The following UXS1 variants were observed in gnomAD, a reference collection of about 807,000 sequenced individuals.
UXS1 encodes UDP-glucuronate decarboxylase 1.
UXS1 carries 33 observed loss-of-function variants against 62.6 expected under a neutral mutation model. That is an observed-to-expected ratio of 0.53 (90% CI 0.40 to 0.70). UXS1 has a LOEUF of 0.70. Ranked by LOEUF, UXS1 falls within the 30% of genes least tolerant of loss-of-function variation. The pLI, the probability that UXS1 is intolerant of heterozygous loss-of-function variation, is 0.00. For synonymous variants in UXS1, 213 were observed against 206.8 expected (o/e 1.03, Z -0.26); for missense variants, 434 against 556.3 (o/e 0.78, Z 2.21).
At chr2:106,125,809 C>G in intron 7 of UXS1, 130 bp from the exon 8 acceptor site, 1 of 677,592 alleles carries the variant, frequency 1.5e-6, no homozygotes, top group Non-Finnish European at 2.2e-6. Flanking sequence ...ACCCTTACTG[C>G]GTCTGCTTTG....
At position 106,096,980 on chromosome 2, in the gene UXS1, T is replaced by G. The variant is rs964388159; in HGVS notation, c.1043-159A>C. ...AGAAGCCCCGGAGCTCCCGAGGGAC[T>G]GTTCTGCGTGGAAGTCCAGGGAGTG... On this transcript the variant is annotated intron_variant, in intron 13 of 14. Coordinates refer to ENST00000283148, the MANE Select transcript of UXS1 (RefSeq NM_001253875.2). 1.0e-5 allele frequency: 8 copies of G among 769,150 alleles called. No homozygotes were observed. In the Admixed American group the frequency reaches 1.6e-4, roughly 15 times the overall value. 47.6% of individuals were successfully genotyped at this position (769,150 alleles called of 1,614,324 possible).
chr2:106,187,828 G>A (rs865965441), intron 1 of UXS1, among the ~76,000 whole-genome samples: 1 of 148,606 alleles, frequency 6.7e-6, no homozygotes, highest in African/African-American at 2.5e-5. Context: ...TGCAATTTCC[G>A]CCTCCGGGTT....
At chr2:106,162,053 T>C (rs1682931453) in intron 4 of UXS1, among the ~76,000 whole-genome samples, 1 of 152,170 alleles carries the variant, frequency 6.6e-6, no homozygotes, top group African/African-American at 2.4e-5. Flanking sequence ...CGGAGTTCCA[T>C]CAATTTCCAC....
intron 8 of UXS1, among the ~76,000 whole-genome samples, chr2:106,123,668 T>C (rs1679706847): frequency 6.6e-6 from 1 of 152,318 alleles, no homozygotes. Flanking sequence ...CCTGTTTCTC[T>C]AGCGTATAAA....
At position 106,096,731 on chromosome 2, in the gene UXS1, C is replaced by T. The variant is rs1274058484; in HGVS notation, c.1133G>A (p.Gly378Glu). The change falls in exon 14 of 15, where the codon GGG (glycine) becomes GAG (glutamate). Residue 378 changes from glycine to glutamate, a missense_variant. Transcript: ENST00000283148. ...CCCTGCACTTACCACGGGCTCCCACCCCAGCATCAGCTTTGCTTTTTTGAT... is the reference window on the plus strand; with the variant it reads ...CCCTGCACTTACCACGGGCTCCCACTCCAGCATCAGCTTTGCTTTTTTGAT... Reference protein sequence around the residue: ...PDIKKAKLMLGWEPVVPLEEG... With the variant: ...PDIKKAKLMLEWEPVVPLEEG... The T allele has an allele frequency of 2.5e-6, 4 of 1,575,302 alleles. No individual in the cohort carries two copies. The highest frequency in any genetic ancestry group is 3.5e-6 in the Non-Finnish European group (4 of 1,158,834).
intron 1 of UXS1, among the ~76,000 whole-genome samples, chr2:106,168,798 C>T (rs1458965326): frequency 1.3e-5 from 2 of 152,016 alleles, no homozygotes; most frequent in South Asian, 2.1e-4. Context: ...AATATGACCA[C>T]GGAACTACAC....
intron 1 of UXS1, among the ~76,000 whole-genome samples, chr2:106,170,054 C>A (rs1277323723): frequency 2.0e-5 from 3 of 152,164 alleles, no homozygotes; most frequent in Non-Finnish European, 4.4e-5. Context: ...CCCTCTCCTC[C>A]CCAGCTGCAC....
At chr2:106,177,478 G>A (rs1416934072) in intron 1 of UXS1, among the ~76,000 whole-genome samples, 1 of 152,162 alleles carries the variant, frequency 6.6e-6, no homozygotes, top group Non-Finnish European at 1.5e-5. Flanking sequence ...TTATAGGCGT[G>A]AGCCACCAAG....
At chr2:106,138,119 G>C (rs924469712) in intron 6 of UXS1, 15 of 958,922 alleles carry the variant, frequency 1.6e-5, no homozygotes, top group Non-Finnish European at 1.9e-5. Flanking sequence ...AGTGTGCCTT[G>C]AGAGTACAGG....
At chr2:106,122,378 G>C (rs909388047) in intron 9 of UXS1, among the ~76,000 whole-genome samples, 3 of 152,152 alleles carry the variant, frequency 2.0e-5, no homozygotes, top group African/African-American at 4.8e-5. Context: ...CTGTGTCAGA[G>C]ATAAGAACTG....
intron 5 of UXS1, 144 bp from the exon 6 acceptor site, chr2:106,145,514 T>A: frequency 2.0e-6 from 2 of 998,446 alleles, no homozygotes; most frequent in Non-Finnish European, 2.8e-6. Flanking sequence ...GCAAAGGTTT[T>A]AAGGTAGCAT....
chr2:106,145,062 A>T, intron 6 of UXS1, 128 bp downstream of exon 6: 2 of 1,045,068 alleles, frequency 1.9e-6, no homozygotes, highest in South Asian at 3.3e-5. Flanking sequence ...ATATTGAGAC[A>T]TTTCAAAAAT....
chr2:106,169,359 C>T (rs1244269353), intron 1 of UXS1, among the ~76,000 whole-genome samples: 3 of 152,168 alleles, frequency 2.0e-5, no homozygotes, highest in Non-Finnish European at 2.9e-5. Context: ...TCGTTATTTG[C>T]TTTTTCAGTT....
chr2:106,124,707 A>G (rs1679785895), intron 8 of UXS1, among the ~76,000 whole-genome samples: 1 of 152,118 alleles, frequency 6.6e-6, no homozygotes, highest in Non-Finnish European at 1.5e-5. Context: ...ACCATACCCC[A>G]TAGGTAGGGA....
chr2:106,158,862 G>T (rs572928369), intron 4 of UXS1, among the ~76,000 whole-genome samples: 2 of 152,214 alleles, frequency 1.3e-5, no homozygotes, highest in Non-Finnish European at 2.9e-5. Context: ...TAAGGAAACG[G>T]TATTTGAGGT....
chr2:106,169,034 C>G (rs575498193), intron 1 of UXS1, among the ~76,000 whole-genome samples: 1 of 152,300 alleles, frequency 6.6e-6, no homozygotes, highest in East Asian at 1.9e-4. Context: ...TTAACCCTTA[C>G]TAAACTCTAT....
chr2:106,173,161 AG>A (rs1683669215), intron 1 of UXS1, among the ~76,000 whole-genome samples: 1 of 152,206 alleles, frequency 6.6e-6, no homozygotes, highest in Non-Finnish European at 1.5e-5. Flanking sequence ...GCTGTTATCT[AG>A]GGTACTGAGA....
intron 1 of UXS1, among the ~76,000 whole-genome samples, chr2:106,189,114 G>C (rs1252238151): frequency 6.6e-6 from 1 of 152,138 alleles, no homozygotes; most frequent in Non-Finnish European, 1.5e-5. Context: ...AGTAGTCCCA[G>C]AAAGAGATGA....
At chr2:106,122,919 G>A (rs1679634868) in intron 9 of UXS1, 51 bp downstream of exon 9, 4 of 1,604,124 alleles carry the variant, frequency 2.5e-6, no homozygotes, top group Non-Finnish European at 3.4e-6. Flanking sequence ...TACATCTGAG[G>A]TCAGGGTGCT....
Sources: allele counts gnomAD v4.1 joint callset (sites outside exome capture counted in the v4.1 genomes callset), GRCh38; gene constraint gnomAD v4.1.1; transcripts MANE v1.5; gene names NCBI Gene and HGNC (gene_info 2026-07-23, HGNC 2026-07-21).